The following RIMS1 variants were observed in gnomAD, a reference collection of about 807,000 sequenced individuals.
RIMS1 encodes the protein regulating synaptic membrane exocytosis 1, also known as regulating synaptic membrane exocytosis protein 1.
Under a neutral mutation model 214.1 loss-of-function variants are expected in RIMS1, and 83 were observed. That is an observed-to-expected ratio of 0.39 (90% CI 0.32 to 0.47). RIMS1 has a LOEUF of 0.47. Among genes scored for constraint, RIMS1 ranks in the 20% least tolerant of loss-of-function variants. The probability of loss-of-function intolerance (pLI) is 0.99; values close to 1 mark genes in which losing one functional copy is unlikely to be tolerated. For missense variants in RIMS1, 2,050 were observed against 2,161.8 expected (o/e 0.95, Z 1.03); for synonymous variants, 793 against 786.8 (o/e 1.01, Z -0.13).
intron 26 of RIMS1, among the ~76,000 whole-genome samples, chr6:72,293,811 A>T (rs2093736866): frequency 6.6e-6 from 1 of 151,824 alleles, no homozygotes; most frequent in Non-Finnish European, 1.5e-5. Context: ...TGTTTATGAT[A>T]TTCATATTCA....
intron 4 of RIMS1, among the ~76,000 whole-genome samples, chr6:72,100,487 C>G (rs1341511099): frequency 6.6e-6 from 1 of 151,972 alleles, no homozygotes; most frequent in Non-Finnish European, 1.5e-5. Context: ...CCTTTTTCTT[C>G]TCTCCTATGA....
chr6:72,284,014 C>G, intron 23 of RIMS1, 33 bp from the exon 24 acceptor site: 1 of 1,533,466 alleles, frequency 6.5e-7, no homozygotes, highest in East Asian at 2.3e-5. Context: ...CTTTATTCAT[C>G]ATATATTTTG....
At chr6:71,903,701 T>A (rs534147823) in intron 1 of RIMS1, among the ~76,000 whole-genome samples, 2 of 151,780 alleles carry the variant, frequency 1.3e-5, no homozygotes, top group Admixed American at 6.6e-5. Context: ...TTCGTTTGAG[T>A]AGGTTTCTGT....
chr6:72,008,871 A>C (rs1363269733), intron 2 of RIMS1, among the ~76,000 whole-genome samples: 4 of 152,286 alleles, frequency 2.6e-5, no homozygotes, highest in Admixed American at 2.6e-4. Flanking sequence ...ACACAATAAT[A>C]ATGGGAGACT....
chr6:72,100,887 G>A (rs1452546696), intron 4 of RIMS1, among the ~76,000 whole-genome samples: 4 of 151,936 alleles, frequency 2.6e-5, no homozygotes, highest in African/African-American at 7.2e-5. Flanking sequence ...CTAAATTTAC[G>A]CTAGGATATG....
At chr6:72,083,244 A>T (rs778375794) in intron 2 of RIMS1, among the ~76,000 whole-genome samples, 1 of 152,192 alleles carries the variant, frequency 6.6e-6, no homozygotes, top group Admixed American at 6.5e-5. Context: ...AATATTTGTG[A>T]TTCAGCCAAT....
At position 72,040,158 on chromosome 6, in the gene RIMS1, T is replaced by C. The variant is rs1436267407; in HGVS notation, c.246-56791T>C. 2.0e-5 allele frequency among the ~76,000 whole-genome samples: 3 copies of C among 152,184 alleles called. No individual in the cohort carries two copies. The South Asian group carries it at 6.2e-4, about 32-fold the overall frequency. On this transcript the variant is annotated intron_variant, in intron 2 of 33. Transcript: ENST00000521978. ...ACTTAGTACCTAGGGACCTTAACTT[T>C]CTCATCTGCAAAATGAAGAGTAGAA...
chr6:72,200,662 A>C (rs951024194), intron 6 of RIMS1, among the ~76,000 whole-genome samples: 3 of 152,186 alleles, frequency 2.0e-5, no homozygotes, highest in Non-Finnish European at 4.4e-5. Flanking sequence ...TCTGCCATTG[A>C]TGAGGGAAGG....
intron 6 of RIMS1, among the ~76,000 whole-genome samples, chr6:72,230,443 A>G (rs371762126): frequency 7.9e-5 from 12 of 151,756 alleles, no homozygotes; most frequent in African/African-American, 2.6e-4. Flanking sequence ...AAATTGCTAA[A>G]TAGATATTTA....
chr6:71,931,891 C>A (rs1042572500), intron 1 of RIMS1, among the ~76,000 whole-genome samples: 1 of 151,926 alleles, frequency 6.6e-6, no homozygotes, highest in African/African-American at 2.4e-5. Context: ...CATCACTGAT[C>A]ATTAGAGAAA....
intron 1 of RIMS1, among the ~76,000 whole-genome samples, chr6:71,949,236 G>A (rs1046550902): frequency 2.6e-5 from 4 of 152,094 alleles, no homozygotes; most frequent in African/African-American, 4.8e-5. Context: ...CCCTATATTA[G>A]GATGTATAAT....
intron 4 of RIMS1, among the ~76,000 whole-genome samples, chr6:72,154,021 G>T (rs2044099952): frequency 6.6e-6 from 1 of 151,926 alleles, no homozygotes; most frequent in African/African-American, 2.4e-5. Flanking sequence ...TTATTATCTT[G>T]AATATGCAAG....
intron 2 of RIMS1, among the ~76,000 whole-genome samples, chr6:71,984,634 C>T (rs999425920): frequency 2.6e-5 from 4 of 152,100 alleles, no homozygotes; most frequent in Admixed American, 6.6e-5. Flanking sequence ...ATTACTCAGA[C>T]GTCTGTTTCC....
At chr6:72,204,134 G>A (rs1232082160) in intron 6 of RIMS1, among the ~76,000 whole-genome samples, 2 of 152,158 alleles carry the variant, frequency 1.3e-5, no homozygotes, top group African/African-American at 4.8e-5. Flanking sequence ...GCTCTGTAGT[G>A]CTTGGGAGCA....
intron 26 of RIMS1, among the ~76,000 whole-genome samples, chr6:72,300,108 A>G (rs2094473870): frequency 6.6e-6 from 1 of 151,760 alleles, no homozygotes; most frequent in Non-Finnish European, 1.5e-5. Context: ...TCATAAATAT[A>G]TTGTCATTGT....
intron 2 of RIMS1, among the ~76,000 whole-genome samples, chr6:72,006,613 G>T (rs1259618032): frequency 6.6e-6 from 1 of 152,162 alleles, no homozygotes; most frequent in Non-Finnish European, 1.5e-5. Flanking sequence ...GGAAAATCGG[G>T]TCACTCCCAC....
chr6:71,930,149 G>A (rs1392687247), intron 1 of RIMS1, among the ~76,000 whole-genome samples: 2 of 151,976 alleles, frequency 1.3e-5, no homozygotes, highest in African/African-American at 4.8e-5. Context: ...AGTTCATTAT[G>A]TTGTTGTATT....
chr6:72,007,884 G>C (rs1327446984), intron 2 of RIMS1, among the ~76,000 whole-genome samples: 3 of 152,178 alleles, frequency 2.0e-5, no homozygotes, highest in Non-Finnish European at 4.4e-5. Flanking sequence ...ATGGAACCAA[G>C]TTGGAAAACA....
At chr6:72,186,902 G>A (rs975664027) in intron 6 of RIMS1, among the ~76,000 whole-genome samples, 3 of 152,022 alleles carry the variant, frequency 2.0e-5, no homozygotes, top group Admixed American at 2.0e-4. Context: ...AGGCCGAGGT[G>A]GGGGGATTTT....
Sources: gnomAD v4.1 joint callset for allele counts (sites outside exome capture counted in the v4.1 genomes callset) on GRCh38, gnomAD v4.1.1 for gene constraint, MANE v1.5 for transcripts, NCBI Gene and HGNC (gene_info 2026-07-23, HGNC 2026-07-21) for gene names.